The following GRIK2 variants were observed in gnomAD, a reference collection of about 807,000 sequenced individuals.
GRIK2 encodes glutamate ionotropic receptor kainate type subunit 2, also known as glutamate receptor ionotropic, kainate 2.
In GRIK2, 32 loss-of-function variants were observed where a neutral mutation model predicts 100.3. That is an observed-to-expected ratio of 0.32 (90% CI 0.24 to 0.43). GRIK2 has a LOEUF of 0.43. Among genes scored for constraint, GRIK2 ranks in the 20% least tolerant of loss-of-function variants. The pLI is 1.00. For synonymous variants in GRIK2, 417 were observed against 389.4 expected, an observed-to-expected ratio of 1.07 and a Z score of -0.83; for missense variants, 843 against 1,114.9, an observed-to-expected ratio of 0.76 and a Z score of 3.47.
intron 12 of GRIK2, among the ~76,000 whole-genome samples, chr6:101,901,535 C>A (rs1787848286): frequency 6.6e-6 from 1 of 151,528 alleles, no homozygotes; most frequent in African/African-American, 2.4e-5. Flanking sequence ...AATCTCATAA[C>A]AATAAGGAAT....
At chr6:101,443,415 T>C (rs926781800) in intron 2 of GRIK2, among the ~76,000 whole-genome samples, 2 of 152,120 alleles carry the variant, frequency 1.3e-5, no homozygotes, top group Non-Finnish European at 2.9e-5. Context: ...TAGTGATTGA[T>C]AGAAAAAGCA....
rs1008651104 is a variant in GRIK2, at chr6:101,653,134, C to G, written c.542-23489C>G. 1.9e-4 allele frequency among the ~76,000 whole-genome samples: 29 copies of G among 152,058 alleles called. 2 individuals carry two copies. Among genetic ancestry groups the G allele is most frequent in the Admixed American group, 1.4e-3 (21 of 15,258 alleles). On this transcript the variant is annotated intron_variant, in intron 4 of 16. Transcript: ENST00000369134. ...TTTAAAGAGTGAAAGTAGAGCCTGCCCATGGAAGGACAAGTCATGGGGGTT... is the reference window on the plus strand; with the variant it reads ...TTTAAAGAGTGAAAGTAGAGCCTGCGCATGGAAGGACAAGTCATGGGGGTT...
chr6:101,473,991 C>G (rs1772090721), intron 2 of GRIK2, among the ~76,000 whole-genome samples: 1 of 151,864 alleles, frequency 6.6e-6, no homozygotes, highest in South Asian at 2.1e-4. Context: ...TCTAACTCAT[C>G]AGCCACATGT....
intron 2 of GRIK2, among the ~76,000 whole-genome samples, chr6:101,541,229 G>T (rs542001928): frequency 1.3e-5 from 2 of 152,100 alleles, no homozygotes; most frequent in Admixed American, 6.6e-5. Flanking sequence ...TAGGAGAGGA[G>T]AACCAAGCAC....
chr6:101,891,088 G>C (rs1053458488), intron 12 of GRIK2, among the ~76,000 whole-genome samples: 1 of 150,856 alleles, frequency 6.6e-6, no homozygotes, highest in African/African-American at 2.4e-5. Context: ...TTATCAGTAA[G>C]GGTATTTGTA....
At chr6:101,641,811 T>C (rs1425098573) in intron 4 of GRIK2, among the ~76,000 whole-genome samples, 2 of 151,980 alleles carry the variant, frequency 1.3e-5, no homozygotes, top group Non-Finnish European at 2.9e-5. Context: ...TCACAGAGCC[T>C]ACTGGCAAAC....
intron 2 of GRIK2, among the ~76,000 whole-genome samples, chr6:101,563,798 C>T (rs1179799107): frequency 6.7e-6 from 1 of 150,056 alleles, no homozygotes; most frequent in African/African-American, 2.5e-5. Context: ...CCTGTAAACC[C>T]TATGAAGTTG....
chr6:101,458,139 G>A (rs986440619), intron 2 of GRIK2, among the ~76,000 whole-genome samples: 3 of 151,768 alleles, frequency 2.0e-5, no homozygotes, highest in African/African-American at 4.8e-5. Context: ...TATGATGCTG[G>A]ATTAAAATAT....
At chr6:101,433,263 A>C (rs1227026221) in intron 2 of GRIK2, among the ~76,000 whole-genome samples, 1 of 152,190 alleles carries the variant, frequency 6.6e-6, no homozygotes, top group African/African-American at 2.4e-5. Flanking sequence ...AATGCAAGTT[A>C]CCTCCATTTC....
chr6:101,508,622 G>GT (rs1191146816), intron 2 of GRIK2, among the ~76,000 whole-genome samples: 2 of 152,116 alleles, frequency 1.3e-5, no homozygotes, highest in African/African-American at 4.8e-5. Flanking sequence ...ATTCCATGAA[G>GT]TAACTGTTAC....
At chr6:101,717,485 G>A (rs777467717) in intron 7 of GRIK2, among the ~76,000 whole-genome samples, 5 of 151,692 alleles carry the variant, frequency 3.3e-5, no homozygotes, top group Non-Finnish European at 7.4e-5. Context: ...CTCTTAATTG[G>A]GAAGAAATTA....
intron 2 of GRIK2, among the ~76,000 whole-genome samples, chr6:101,551,042 A>G (rs1776487812): frequency 6.6e-6 from 1 of 152,144 alleles, no homozygotes; most frequent in Non-Finnish European, 1.5e-5. Flanking sequence ...TCACCTCATG[A>G]CTACAGTTTC....
chr6:101,734,219 T>C (rs1193601687), intron 7 of GRIK2, among the ~76,000 whole-genome samples: 1 of 152,154 alleles, frequency 6.6e-6, no homozygotes, highest in Non-Finnish European at 1.5e-5. Context: ...CAAGCAATTA[T>C]GGAGACTAAG....
chr6:101,691,026 A>C (rs1016260886), intron 7 of GRIK2, among the ~76,000 whole-genome samples: 3 of 152,290 alleles, frequency 2.0e-5, no homozygotes, highest in African/African-American at 4.8e-5. Flanking sequence ...CAAGAAGTAG[A>C]TATTGTAATC....
intron 7 of GRIK2, among the ~76,000 whole-genome samples, chr6:101,768,937 T>G (rs1199188603): frequency 6.6e-6 from 1 of 152,150 alleles, no homozygotes; most frequent in Non-Finnish European, 1.5e-5. Flanking sequence ...TGTGAAATAT[T>G]TACTATTTTT....
intron 14 of GRIK2, among the ~76,000 whole-genome samples, chr6:102,018,747 T>C (rs1769263514): frequency 6.6e-6 from 1 of 152,086 alleles, no homozygotes; most frequent in African/African-American, 2.4e-5. Context: ...CTTCAATTTG[T>C]TTACCTTTTT....
At chr6:101,739,067 G>A (rs1433696482) in intron 7 of GRIK2, among the ~76,000 whole-genome samples, 1 of 152,126 alleles carries the variant, frequency 6.6e-6, no homozygotes, top group Non-Finnish European at 1.5e-5. Flanking sequence ...TGCTAATTAA[G>A]GCAAGAGCCT....
chr6:102,058,985 AAT>A (rs1771609812), intron 16 of GRIK2, among the ~76,000 whole-genome samples: 2 of 151,394 alleles, frequency 1.3e-5, no homozygotes, highest in East Asian at 3.9e-4. Flanking sequence ...ATAAAATTAT[AAT>A]ATATTAATTT....
At chr6:101,892,700 A>G (rs1458329780) in intron 12 of GRIK2, among the ~76,000 whole-genome samples, 1 of 151,942 alleles carries the variant, frequency 6.6e-6, no homozygotes, top group Non-Finnish European at 1.5e-5. Context: ...ATTAATAGAT[A>G]TTGCATTAAG....
Sources: allele counts gnomAD v4.1 joint callset (sites outside exome capture counted in the v4.1 genomes callset), GRCh38; gene constraint gnomAD v4.1.1; transcripts MANE v1.5; gene names NCBI Gene and HGNC (gene_info 2026-07-23, HGNC 2026-07-21).